The following MED12L variants were observed in gnomAD, a reference collection of about 807,000 sequenced individuals.
MED12L encodes mediator of RNA polymerase II transcription subunit 12-like protein.
In MED12L, 60 loss-of-function variants were observed where a neutral mutation model predicts 281.3. The ratio of observed to expected loss-of-function variants is 0.21; its 90% CI spans 0.17 to 0.26. The LOEUF (loss-of-function observed/expected upper bound fraction) is 0.26, where lower values mean the gene tolerates loss of function less well. Among genes scored for constraint, MED12L ranks in the 10% least tolerant of loss-of-function variants. The probability of loss-of-function intolerance (pLI) is 1.00; values close to 1 mark genes in which losing one functional copy is unlikely to be tolerated. For synonymous variants in MED12L, 974 were observed against 987.2 expected (o/e 0.99, Z 0.25); for missense variants, 2,146 against 2,680.9 (o/e 0.80, Z 4.41).
chr3:151,425,328 A>T (rs992273809), intron 43 of MED12L: 15 of 171,078 alleles, frequency 8.8e-5, no homozygotes, highest in African/African-American at 2.1e-4. Flanking sequence ...TGAGCAGAAG[A>T]AGTAAATGTT....
intron 9 of MED12L, 106 bp from the exon 10 acceptor site, chr3:151,165,314 T>C (rs1261383864): frequency 7.4e-6 from 5 of 675,566 alleles, no homozygotes; most frequent in Admixed American, 5.8e-5. Context: ...CAGTCAAGAT[T>C]GTAGTTCACT....
chr3:151,299,654 A>T (rs752287484), intron 16 of MED12L, among the ~76,000 whole-genome samples: 2 of 151,500 alleles, frequency 1.3e-5, no homozygotes, highest in African/African-American at 4.9e-5. Flanking sequence ...AATTTTTTGT[A>T]TTTAGGTATG....
intron 12 of MED12L, among the ~76,000 whole-genome samples, chr3:151,187,350 C>A (rs1194874758): frequency 6.6e-6 from 1 of 152,162 alleles, no homozygotes; most frequent in East Asian, 1.9e-4. Flanking sequence ...CAAACATACA[C>A]ATTCCACTTT....
At chr3:151,344,080 T>A (rs1431531349) in intron 16 of MED12L, among the ~76,000 whole-genome samples, 1 of 152,080 alleles carries the variant, frequency 6.6e-6, no homozygotes, top group East Asian at 1.9e-4. Context: ...TCTTGGGCAT[T>A]GAAATATTTC....
intron 16 of MED12L, among the ~76,000 whole-genome samples, chr3:151,224,644 T>C (rs1423411070): frequency 6.6e-6 from 1 of 152,226 alleles, no homozygotes; most frequent in African/African-American, 2.4e-5. Flanking sequence ...CACTTTCTTC[T>C]TCACCCAGAA....
chr3:151,147,770 A>G (rs958969578), intron 5 of MED12L, among the ~76,000 whole-genome samples: 3 of 152,158 alleles, frequency 2.0e-5, no homozygotes, highest in Admixed American at 1.3e-4. Flanking sequence ...GCTGACGGAT[A>G]TTGGATTGTT....
chr3:151,190,238 C>G (rs1723795151), intron 13 of MED12L, among the ~76,000 whole-genome samples: 1 of 151,172 alleles, frequency 6.6e-6, no homozygotes, highest in Non-Finnish European at 1.5e-5. Flanking sequence ...GTGGCACGAT[C>G]TTGGCTCACT....
chr3:151,359,065 G>C (rs1310344608), intron 20 of MED12L, among the ~76,000 whole-genome samples: 2 of 152,086 alleles, frequency 1.3e-5, no homozygotes, highest in Non-Finnish European at 2.9e-5. Flanking sequence ...TAGTTTTGCA[G>C]ACCTTTCCTC....
intron 11 of MED12L, among the ~76,000 whole-genome samples, chr3:151,184,714 C>T (rs944478023): frequency 2.0e-5 from 3 of 152,164 alleles, no homozygotes; most frequent in Admixed American, 6.5e-5. Context: ...TACCTAGACC[C>T]GGCTGCTGTC....
At position 151,249,397 on chromosome 3, in the gene MED12L, A is replaced by T. The variant is rs564079322; in HGVS notation, c.2250+55731A>T. Among the ~76,000 whole-genome samples the T allele has an allele frequency of 4.7e-3, 723 of 152,340 alleles. 8 individuals carry two copies. Among genetic ancestry groups the T allele is most frequent in the Middle Eastern group, 0.024 (7 of 294 alleles). On this transcript the variant is annotated intron_variant, in intron 16 of 44. Transcript: ENST00000687756. ...GGAAAACCAAAAAATATTTGAGAGT[A>T]AAACATCTGCACGTTTCCTTCTTTC...
chr3:151,270,999 G>A (rs753202582), intron 16 of MED12L, among the ~76,000 whole-genome samples: 4 of 148,486 alleles, frequency 2.7e-5, no homozygotes, highest in Non-Finnish European at 5.9e-5. Flanking sequence ...AACTAAATGT[G>A]TACACATACC....
chr3:151,218,833 C>G (rs1577005883), intron 16 of MED12L, among the ~76,000 whole-genome samples: 1 of 127,866 alleles, frequency 7.8e-6, no homozygotes, highest in South Asian at 2.6e-4. Context: ...CACCATTGCA[C>G]TCCAGCCTGG....
rs1406717302 is a variant in MED12L, at chr3:151,086,882, T to C, written c.-45T>C. 4 of 1,491,616 alleles carry C rather than the reference T, an allele frequency of 2.7e-6. No individual in the cohort carries two copies. Among genetic ancestry groups the C allele is most frequent in the Non-Finnish European group, 3.6e-6 (4 of 1,100,198 alleles). The allele number at this position is 1,491,616 out of a possible 1,614,324, so 92.4% of individuals were successfully genotyped here. A position where few individuals can be genotyped will look rare whatever the true frequency, so the allele number is the denominator to read the frequency against. ...CTCCCTGGTGCTCAGAGGCGGCTGC[T>C]CCAGCTCCAACTCTCATTCATTTCG... On this transcript the variant is annotated 5_prime_UTR_variant, in exon 2 of 45. Transcript: ENST00000687756.
In MED12L at chr3:151,432,939, C is replaced by G; in HGVS notation, c.*135C>G. Reference sequence around the variant, plus strand: ...TTTTACTATATTTTATGCTACATCTCACAAAAAAAAAAAAAGGTGTTTAAA... The same window carrying G: ...TTTTACTATATTTTATGCTACATCTGACAAAAAAAAAAAAAGGTGTTTAAA... On this transcript the variant is annotated 3_prime_UTR_variant, in exon 45 of 45. Transcript: ENST00000687756. 1 of 481,880 alleles carries G rather than the reference C, an allele frequency of 2.1e-6. No homozygotes were observed. Among genetic ancestry groups the G allele is most frequent in the Non-Finnish European group, 3.2e-6 (1 of 311,580 alleles). The allele number at this position is 481,880 out of a possible 1,614,324, so 29.9% of individuals were successfully genotyped here. A position where few individuals can be genotyped will look rare whatever the true frequency, so the allele number is the denominator to read the frequency against.
chr3:151,391,023 T>C (rs1714170430), intron 38 of MED12L, among the ~76,000 whole-genome samples: 2 of 152,194 alleles, frequency 1.3e-5, no homozygotes, highest in South Asian at 4.1e-4. Context: ...GTAAAATGAA[T>C]ATGCTAATAC....
At chr3:151,196,235 A>G (rs954290291) in intron 16 of MED12L, among the ~76,000 whole-genome samples, 3 of 152,244 alleles carry the variant, frequency 2.0e-5, no homozygotes, top group Admixed American at 6.5e-5. Context: ...GACAATTGAT[A>G]TTGTAGGATA....
intron 44 of MED12L, among the ~76,000 whole-genome samples, chr3:151,431,521 G>A (rs1356994328): frequency 2.0e-5 from 3 of 152,050 alleles, no homozygotes; most frequent in African/African-American, 7.2e-5. Context: ...GTTAAATCAA[G>A]TAAATCTTCA....
chr3:151,123,151 TAG>T (rs1714011219), intron 4 of MED12L, among the ~76,000 whole-genome samples, 177 bp downstream of exon 4: 4 of 152,342 alleles, frequency 2.6e-5, no homozygotes, highest in African/African-American at 7.2e-5. Context: ...TGATTGCATG[TAG>T]TGCCTAGGAC....
At chr3:151,166,731 A>C (rs1720777685) in intron 11 of MED12L, among the ~76,000 whole-genome samples, 1 of 151,048 alleles carries the variant, frequency 6.6e-6, no homozygotes, top group South Asian at 2.1e-4. Flanking sequence ...GCTGGAGTGC[A>C]GTGGTGCAAT....
Sources: allele counts gnomAD v4.1 joint callset (sites outside exome capture counted in the v4.1 genomes callset), GRCh38; gene constraint gnomAD v4.1.1; transcripts MANE v1.5; gene names NCBI Gene and HGNC (gene_info 2026-07-23, HGNC 2026-07-21).